The following KIAA0753 variants were observed in gnomAD, a reference collection of about 807,000 sequenced individuals.
KIAA0753 encodes the protein protein moonraker.
KIAA0753 carries 114 observed loss-of-function variants against 116.9 expected under a neutral mutation model. The ratio of observed to expected loss-of-function variants is 0.98; its 90% CI spans 0.84 to 1.14. The LOEUF is 1.14. Among genes scored for constraint, KIAA0753 ranks in the 50% most tolerant of loss-of-function variants. KIAA0753 has a pLI of 0.00. For missense variants in KIAA0753, 1,156 were observed against 1,172.4 expected, an observed-to-expected ratio of 0.99 and a Z score of 0.20; for synonymous variants, 405 against 413.1, an observed-to-expected ratio of 0.98 and a Z score of 0.24.
chr17:6,627,015 A>T (rs1971711949), intron 3 of KIAA0753, among the ~76,000 whole-genome samples: 3 of 152,178 alleles, frequency 2.0e-5, no homozygotes, highest in African/African-American at 7.2e-5. Context: ...TGTTATTTTT[A>T]TGCTGGAATG....
At chr17:6,585,760 A>C (rs1234473830) in intron 18 of KIAA0753, among the ~76,000 whole-genome samples, 1 of 152,070 alleles carries the variant, frequency 6.6e-6, no homozygotes, top group Non-Finnish European at 1.5e-5. Context: ...GAGAATATTA[A>C]TTCTAGTCTG....
Position 6,596,198 on chromosome 17 carries a change from G to C in KIAA0753, c.2318C>G (p.Pro773Arg), listed in dbSNP as rs755057472. The C allele has an allele frequency of 1.2e-5, 20 of 1,613,746 alleles. No individual in the cohort carries two copies. Among genetic ancestry groups the C allele is most frequent in the African/African-American group, 2.7e-5 (2 of 74,864 alleles). The stretch of plus-strand genomic sequence containing the variant: ...TCGGCGCATCATGATCTCCAGATCT[G>C]GGCTATCCTTGCTGTCCTCAACGGT... ...LATVEDSKDS[P>R]DLEIMMRRME... The change falls in exon 15 of 19, where the codon CCA becomes CGA. Residue 773 changes from proline (P) to arginine (R), a missense_variant. Physicochemically the swap from Pro to Arg is moderately radical, Grantham distance 103. Coordinates refer to ENST00000361413, the MANE Select transcript of KIAA0753 (RefSeq NM_014804.3).
chr17:6,613,577 C>T (rs1970691141), intron 7 of KIAA0753, among the ~76,000 whole-genome samples: 1 of 151,938 alleles, frequency 6.6e-6, no homozygotes, highest in Admixed American at 6.6e-5. Flanking sequence ...CAAACACAGG[C>T]AGAAATCAGC....
rs1285702526 is a variant in KIAA0753, at chr17:6,595,013, G to A, written c.2399C>T (p.Ala800Val). The change falls in exon 16 of 19, where the codon GCA becomes GTA. Residue 800 changes from alanine (A) to valine (V), a missense_variant. Transcript: ENST00000361413. ...CATCCAAAGTCGAGGATCAGCATAT[G>A]CGATTTTATTATATCTTTGACGAAC... Reference protein sequence around the residue: ...ESVRQRYNKIAYADPRLWMQE... With the variant: ...ESVRQRYNKIVYADPRLWMQE... 2 of 1,612,434 alleles carry A rather than the reference G, an allele frequency of 1.2e-6. No homozygotes were observed. The highest frequency in any genetic ancestry group is 1.7e-6 in the Non-Finnish European group (2 of 1,178,968).
chr17:6,591,052 A>AGGAAGAAG (rs879538350), intron 16 of KIAA0753, among the ~76,000 whole-genome samples: 63 of 54,582 alleles, frequency 1.2e-3, no homozygotes, highest in East Asian at 6.5e-3. Flanking sequence ...AAGAAGAAGA[A>AGGAAGAAG]GAAGAAGAAG....
chr17:6,600,206 C>T (rs994674723), intron 13 of KIAA0753, among the ~76,000 whole-genome samples, 174 bp downstream of exon 13: 1 of 152,216 alleles, frequency 6.6e-6, no homozygotes, highest in Non-Finnish European at 1.5e-5. Context: ...CCCTTTATCT[C>T]TATCCCTTTT....
intron 7 of KIAA0753, among the ~76,000 whole-genome samples, chr17:6,618,896 G>T (rs1971110323): frequency 6.6e-6 from 1 of 152,150 alleles, no homozygotes; most frequent in Non-Finnish European, 1.5e-5. Context: ...CTCATTAAAT[G>T]TAAGTAGATT....
chr17:6,593,685 C>T (rs1026833684), intron 16 of KIAA0753, among the ~76,000 whole-genome samples: 4 of 152,274 alleles, frequency 2.6e-5, no homozygotes, highest in Admixed American at 6.5e-5. Flanking sequence ...GGCAACATGG[C>T]GAAACCCTGG....
intron 10 of KIAA0753, 47 bp from the exon 11 acceptor site, chr17:6,607,317 A>G (rs758513302): frequency 6.8e-7 from 1 of 1,469,478 alleles, no homozygotes; most frequent in Non-Finnish European, 9.5e-7. Flanking sequence ...TCGACACTGC[A>G]GGGTGTCATC....
chr17:6,600,298 G>T, intron 13 of KIAA0753, 82 bp downstream of exon 13: 1 of 1,049,790 alleles, frequency 9.5e-7, no homozygotes, highest in Non-Finnish European at 1.5e-6. Flanking sequence ...CCCTATAAAG[G>T]ATCAATGAGA....
At position 6,595,004 on chromosome 17, in the gene KIAA0753, T is replaced by G. The variant is rs1370433470; in HGVS notation, c.2408A>C (p.Asp803Ala). Residue 803 changes from aspartate to alanine, a missense_variant, in exon 16 of 19, where the codon GAT becomes GCT. By Grantham distance (126) the Asp-to-Ala change is moderately radical (BLOSUM62 -2). Transcript: ENST00000361413. The stretch of plus-strand genomic sequence containing the variant: ...TTCTTCCTGCATCCAAAGTCGAGGA[T>G]CAGCATATGCGATTTTATTATATCT... ...RQRYNKIAYA[D>A]PRLWMQEENN... 9.3e-6 allele frequency: 15 copies of G among 1,612,774 alleles called. No individual in the cohort carries two copies. The highest frequency in any genetic ancestry group is 1.3e-5 in the Non-Finnish European group (15 of 1,179,178).
rs1165468194 is a variant in KIAA0753, at chr17:6,634,863, CAG to C, written c.93+146_93+147del. 52 of 594,396 alleles carry C rather than the reference CAG, an allele frequency of 8.7e-5. 1 individual carries two copies. In the Admixed American group the frequency reaches 9.5e-4, roughly 11 times the overall value. The allele number at this position is 594,396 out of a possible 1,614,324, so 36.8% of individuals were successfully genotyped here. A position where few individuals can be genotyped will look rare whatever the true frequency, so the allele number is the denominator to read the frequency against. ...GGTGATTCTGCAAAAATTTTAAAGA[CAG>C]ATGGTTGAGTAGGTAGAAAAACAGA... On this transcript the variant is annotated intron_variant, in intron 2 of 18. Coordinates refer to ENST00000361413, the MANE Select transcript of KIAA0753 (RefSeq NM_014804.3).
rs998371875 is a variant in KIAA0753, at chr17:6,587,868, G to A, written c.2786+1911C>T. 2.0e-5 allele frequency among the ~76,000 whole-genome samples: 3 copies of A among 152,162 alleles called. No individual in the cohort carries two copies. In the South Asian group the frequency reaches 6.2e-4, roughly 31 times the overall value. On this transcript the variant is annotated intron_variant, in intron 18 of 18. Transcript: ENST00000361413. ...AAAGAGACACACGTGAGTGAGAAAT[G>A]CCCAAGATTTTCAGAAGATAAACGC...
chr17:6,589,737 G>A lies in KIAA0753; in HGVS notation c.2786+42C>T, dbSNP rs77936465. 1,684 of 1,495,354 alleles carry A rather than the reference G, an allele frequency of 1.1e-3. 19 individuals are homozygous for A. The African/African-American group carries it at 0.02, about 18-fold the overall frequency. The allele number at this position is 1,495,354 out of a possible 1,614,324, so 92.6% of individuals were successfully genotyped here. ...CAGCTTTTTCTAAGTCTAAAATTTT[G>A]CAATTTGGTTCCTAAACAGAGGACC... On this transcript the variant is annotated intron_variant, in intron 18 of 18. Coordinates refer to ENST00000361413, the MANE Select transcript of KIAA0753 (RefSeq NM_014804.3).
rs766621242 is a variant in KIAA0753, at chr17:6,611,973, C to A, written c.1491G>T (p.Val497=). The A allele has an allele frequency of 2.3e-4, 370 of 1,613,988 alleles. No individual in the cohort carries two copies. Among genetic ancestry groups the A allele is most frequent in the Non-Finnish European group, 1.7e-4 (199 of 1,180,000 alleles). Residue 497 remains valine (V), a synonymous_variant, in exon 8 of 19, where the codon GTG becomes GTT. Coordinates refer to ENST00000361413, the MANE Select transcript of KIAA0753 (RefSeq NM_014804.3). ...TCTTCCTAAACGGCACATTCTCAGTCACAGGCTTCTTTTTCCCTGCTTTTG... is the reference window on the plus strand; with the variant it reads ...TCTTCCTAAACGGCACATTCTCAGTAACAGGCTTCTTTTTCCCTGCTTTTG... ...AKTKAGKKKP[V]TENVPFRKKD...
In KIAA0753 at chr17:6,606,897, T is replaced by C; in HGVS notation, c.1985A>G (p.Glu662Gly). 6.2e-7 allele frequency: 1 copy of C among 1,614,026 alleles called. No homozygotes were observed. The highest frequency in any genetic ancestry group is 8.5e-7 in the Non-Finnish European group (1 of 1,179,890). Residue 662 changes from glutamate (E) to glycine (G), a missense_variant, in exon 12 of 19, where the codon GAA becomes GGA. Glu to Gly is a moderately conservative substitution (Grantham distance 98). Coordinates refer to ENST00000361413, the MANE Select transcript of KIAA0753 (RefSeq NM_014804.3). ...TKELNELKAEEMYRLQQLSVS... is the reference protein window; with the variant it reads ...TKELNELKAEGMYRLQQLSVS... ...CCTCAATTGTTGGAGTCTATACATT[T>C]CTTCAGCTTTGAGCTCATTCAGTTC...
chr17:6,607,253 G>T lies in KIAA0753; in HGVS notation c.1847C>A (p.Ala616Asp). 2 of 1,614,036 alleles carry T rather than the reference G, an allele frequency of 1.2e-6. No individual in the cohort carries two copies. Among genetic ancestry groups the T allele is most frequent in the East Asian group, 2.2e-5 (1 of 44,884 alleles). Residue 616 changes from alanine to aspartate, a missense_variant, in exon 11 of 19, where the codon GCT becomes GAT. Transcript: ENST00000361413. ...HEAARLAWLD[A>D]ETSKRLKELE... ...TTCCTTCAATCTTTTGGAAGTTTCA[G>T]CATCAAGCCAAGCGAGCCTAGCAGA...
intron 3 of KIAA0753, among the ~76,000 whole-genome samples, chr17:6,625,938 G>C (rs1020778892): frequency 6.6e-6 from 1 of 152,178 alleles, no homozygotes; most frequent in Admixed American, 6.5e-5. Context: ...CTGGCCTCAA[G>C]TGATGCACCT....
At chr17:6,637,430 C>A in intron 1 of KIAA0753, 1 of 152,478 alleles carries the variant, frequency 6.6e-6, no homozygotes, top group Admixed American at 6.5e-5. Context: ...CCTGAGCCGT[C>A]ATCCCCAGAG....
Sources: allele counts gnomAD v4.1 joint callset (sites outside exome capture counted in the v4.1 genomes callset), GRCh38; gene constraint gnomAD v4.1.1; transcripts MANE v1.5; gene names NCBI Gene and HGNC (gene_info 2026-07-23, HGNC 2026-07-21).